Variants in FOCAD observed in about 807,000 individuals in gnomAD.
The protein encoded by FOCAD is focadhesin.
In FOCAD, 198 loss-of-function variants were observed where a neutral mutation model predicts 225.6. The ratio of observed to expected loss-of-function variants is 0.88; its 90% confidence interval spans 0.78 to 0.99. FOCAD has a LOEUF of 0.99. Among genes scored for constraint, FOCAD ranks in the 50% least tolerant of loss-of-function variants. FOCAD has a pLI of 0.00. For missense variants in FOCAD, 2,713 were observed against 2,123.6 expected (o/e 1.28, Z -5.46); for synonymous variants, 897 against 755.0 (o/e 1.19, Z -3.08).
intron 19 of FOCAD, 38 bp from the exon 20 acceptor site, chr9:20,881,833 A>G (rs1383531417): frequency 6.3e-7 from 1 of 1,588,510 alleles, no homozygotes; most frequent in Non-Finnish European, 8.6e-7. Context: ...AGCTTATTGT[A>G]TTTACTCTAC....
intron 2 of FOCAD, among the ~76,000 whole-genome samples, chr9:20,669,701 G>T (rs902255492): frequency 6.6e-6 from 1 of 152,140 alleles, no homozygotes; most frequent in Non-Finnish European, 1.5e-5. Flanking sequence ...CTTGAACCCA[G>T]GAGGCAGAGG....
At chr9:20,851,628 G>C (rs930936222) in intron 15 of FOCAD, among the ~76,000 whole-genome samples, 1 of 151,894 alleles carries the variant, frequency 6.6e-6, no homozygotes, top group Admixed American at 6.6e-5. Context: ...TCACCTGGCA[G>C]CTTGAAACGA....
At chr9:20,952,077 A>G (rs1211280081) in intron 34 of FOCAD, among the ~76,000 whole-genome samples, 1 of 152,216 alleles carries the variant, frequency 6.6e-6, no homozygotes. Flanking sequence ...AAAAAAGAAG[A>G]AAACTTAGTC....
intron 9 of FOCAD, among the ~76,000 whole-genome samples, chr9:20,779,345 C>T (rs1554680708): frequency 6.6e-6 from 1 of 152,216 alleles, no homozygotes; most frequent in Non-Finnish European, 1.5e-5. Flanking sequence ...ATTGGTGCTG[C>T]CTCACTTTAC....
chr9:20,795,660 T>C (rs1257753681), intron 11 of FOCAD, among the ~76,000 whole-genome samples: 1 of 151,636 alleles, frequency 6.6e-6, no homozygotes, highest in East Asian at 1.9e-4. Context: ...GGCGGGTGCC[T>C]GTAGTCCCAG....
chr9:20,848,081 A>G (rs964607601), intron 15 of FOCAD, among the ~76,000 whole-genome samples: 1 of 152,006 alleles, frequency 6.6e-6, no homozygotes, highest in Non-Finnish European at 1.5e-5. Context: ...CACTGACAAA[A>G]AGGAGATTAA....
At chr9:20,816,110 C>T (rs947539200) in intron 11 of FOCAD, among the ~76,000 whole-genome samples, 9 of 151,958 alleles carry the variant, frequency 5.9e-5, no homozygotes, top group African/African-American at 1.9e-4. Flanking sequence ...CCCTTACGTG[C>T]TTTTTTTAGG....
intron 8 of FOCAD, among the ~76,000 whole-genome samples, chr9:20,776,992 G>A (rs748091379): frequency 1.3e-5 from 2 of 152,018 alleles, no homozygotes; most frequent in Non-Finnish European, 2.9e-5. Context: ...CATTGTTTTC[G>A]ACTGTATTTC....
chr9:20,779,190 T>C (rs1034567009), intron 9 of FOCAD, among the ~76,000 whole-genome samples: 1 of 152,222 alleles, frequency 6.6e-6, no homozygotes, highest in African/African-American at 2.4e-5. Context: ...AAAGATAATA[T>C]TCTTTTGACA....
At chr9:20,919,207 A>G (rs966736706) in intron 24 of FOCAD, among the ~76,000 whole-genome samples, 12 of 152,210 alleles carry the variant, frequency 7.9e-5, no homozygotes, top group African/African-American at 2.9e-4. Context: ...GTGAACTCCC[A>G]TTCACAATTG....
intron 4 of FOCAD, among the ~76,000 whole-genome samples, chr9:20,732,282 T>C (rs936626010): frequency 2.0e-5 from 3 of 152,230 alleles, no homozygotes; most frequent in African/African-American, 7.2e-5. Context: ...AGATGACGAT[T>C]TGACTTAGTC....
chr9:20,813,389 C>A (rs577245797), intron 11 of FOCAD, among the ~76,000 whole-genome samples: 1 of 152,200 alleles, frequency 6.6e-6, no homozygotes, highest in East Asian at 1.9e-4. Context: ...CAAGATCGAT[C>A]ATAGAGTAGA....
chr9:20,681,121 C>G (rs1296231259), upstream of FOCAD, among the ~76,000 whole-genome samples: 1 of 152,136 alleles, frequency 6.6e-6, no homozygotes, highest in African/African-American at 2.4e-5. Flanking sequence ...ATTTTAGTTC[C>G]CTTCTGTGTA....
intron 4 of FOCAD, among the ~76,000 whole-genome samples, chr9:20,721,788 T>C (rs931570268): frequency 6.6e-6 from 1 of 152,096 alleles, no homozygotes; most frequent in Admixed American, 6.5e-5. Context: ...CCTTTCTTTA[T>C]AAATCGTTTC....
chr9:20,656,729 C>T (rs1475537043), upstream of FOCAD, among the ~76,000 whole-genome samples: 1 of 152,100 alleles, frequency 6.6e-6, no homozygotes, highest in Non-Finnish European at 1.5e-5. Context: ...GACTGTTTAT[C>T]CAATTTGCCA....
chr9:20,872,238 T>A (rs982136682), intron 18 of FOCAD, among the ~76,000 whole-genome samples: 1 of 152,182 alleles, frequency 6.6e-6, no homozygotes, highest in Non-Finnish European at 1.5e-5. Context: ...ATTGATGGGT[T>A]GGTCAGTTTG....
At chr9:20,754,544 A>G (rs926464116) in intron 5 of FOCAD, among the ~76,000 whole-genome samples, 3 of 145,938 alleles carry the variant, frequency 2.1e-5, no homozygotes, top group Admixed American at 6.9e-5. Flanking sequence ...AACTGGAAGC[A>G]TAGTGTTTTT....
chr9:20,759,977 T>A (rs1250659625), intron 6 of FOCAD, among the ~76,000 whole-genome samples: 1 of 152,214 alleles, frequency 6.6e-6, no homozygotes, highest in Non-Finnish European at 1.5e-5. Context: ...CACCAAGGCC[T>A]CCTGATGGCT....
At chr9:20,987,499 C>A (rs963947116) in intron 40 of FOCAD, among the ~76,000 whole-genome samples, 1 of 150,666 alleles carries the variant, frequency 6.6e-6, no homozygotes, top group South Asian at 2.1e-4. Context: ...CAGAGCGAGA[C>A]TGCATCTTGA....
Sources: allele counts gnomAD v4.1 joint callset (sites outside exome capture counted in the v4.1 genomes callset), GRCh38; gene constraint gnomAD v4.1.1; transcripts MANE v1.5; gene names NCBI Gene and HGNC (gene_info 2026-07-23, HGNC 2026-07-21).